Variants in IGSF3 observed in about 807,000 individuals in gnomAD.
The protein encoded by IGSF3 is glu-Trp-Ile EWI motif-containing protein 3.
Under a neutral mutation model 114.4 loss-of-function variants are expected in IGSF3, and 23 were observed. The ratio of observed to expected loss-of-function variants is 0.20; its 90% CI spans 0.14 to 0.28. IGSF3 has a LOEUF of 0.28. Among genes scored for constraint, IGSF3 ranks in the 10% least tolerant of loss-of-function variants. The pLI is 1.00. For synonymous variants in IGSF3, 571 were observed against 645.2 expected, an observed-to-expected ratio of 0.88 and a Z score of 1.74; for missense variants, 1,172 against 1,591.5, an observed-to-expected ratio of 0.74 and a Z score of 4.48.
chr1:116,644,732 G>A lies in IGSF3; in HGVS notation c.43+21552C>T, dbSNP rs1384574345. 1.3e-5 allele frequency among the ~76,000 whole-genome samples: 2 copies of A among 152,158 alleles called. No homozygotes were observed. The highest frequency in any genetic ancestry group is 2.4e-5 in the African/African-American group (1 of 41,410). ...CTGTGTGATGAAAGGACCTCCTCAG[G>A]AAACCTCCCCACCAGCAACTGGCTC... On this transcript the variant is annotated intron_variant, in intron 2 of 10. Transcript: ENST00000369486. This position sits in a 1 kb window ranked among gnomAD's most constrained non-coding sequence, Gnocchi z 5.6.
chr1:116,583,398 G>A lies in IGSF3; in HGVS notation c.2848+1247C>T, dbSNP rs970821672. On this transcript the variant is annotated intron_variant, in intron 9 of 10. Coordinates refer to ENST00000369486, the MANE Select transcript of IGSF3 (RefSeq NM_001007237.3). The surrounding 1 kb of genome is among the most constrained non-coding windows in gnomAD (Gnocchi z 4.5). ...GGAAAAATAGGAGTTAACTCAAAGT[G>A]GAGGCAATGTTCCCTGCAGTTTAGG... is the stretch of plus-strand genomic sequence containing the variant. Among the ~76,000 whole-genome samples the A allele has an allele frequency of 1.3e-5, 2 of 152,182 alleles. No homozygotes were observed. Among genetic ancestry groups the A allele is most frequent in the Non-Finnish European group, 2.9e-5 (2 of 68,040 alleles).
rs944354113 is a variant in IGSF3, at chr1:116,582,175, T to C, written c.2849-2298A>G. On this transcript the variant is annotated intron_variant, in intron 9 of 10. Transcript: ENST00000369486. The surrounding 1 kb of genome is among the most constrained non-coding windows in gnomAD (Gnocchi z 4.7). ...AATTTCCACCTTCCCACAATCTCTC[T>C]CCCCTTAACATGTTTCTCTACCAAT... Among the ~76,000 whole-genome samples the C allele has an allele frequency of 1.6e-4, 24 of 152,286 alleles. No homozygotes were observed. The highest frequency in any genetic ancestry group is 5.3e-4 in the African/African-American group (22 of 41,558).
chr1:116,580,049 T>C (rs1659535459), intron 9 of IGSF3, among the ~76,000 whole-genome samples, 172 bp from the exon 10 acceptor site: 1 of 152,154 alleles, frequency 6.6e-6, no homozygotes, highest in South Asian at 2.1e-4. Context: ...CAAGAAAAAT[T>C]GTTAAGAGTA....
At chr1:116,667,256 C>A (rs554583722) in intron 1 of IGSF3, among the ~76,000 whole-genome samples, 106 of 152,322 alleles carry the variant, frequency 7.0e-4, no homozygotes, top group African/African-American at 2.5e-3. Flanking sequence ...TCCGCCAGGG[C>A]AAATCGGGAA....
intron 2 of IGSF3, among the ~76,000 whole-genome samples, chr1:116,645,061 T>A (rs1319963497): frequency 6.6e-6 from 1 of 152,108 alleles, no homozygotes; most frequent in Non-Finnish European, 1.5e-5. Flanking sequence ...CTTGTACACA[T>A]CCTAATAGCT....
chr1:116,626,193 TC>T (rs1647251694), intron 2 of IGSF3, among the ~76,000 whole-genome samples: 1 of 152,084 alleles, frequency 6.6e-6, no homozygotes, highest in Non-Finnish European at 1.5e-5. Context: ...TAACCCTGCT[TC>T]CCCTCATTTT....
chr1:116,584,914 T>C lies in IGSF3; in HGVS notation c.2579A>G (p.Asn860Ser), dbSNP rs1244011605. 4 of 1,614,128 alleles carry C rather than the reference T, an allele frequency of 2.5e-6. No individual in the cohort carries two copies. The highest frequency in any genetic ancestry group is 3.4e-6 in the Non-Finnish European group (4 of 1,179,990). ...GGCCACAGTCTCCCGCTCAGGGTGGTTGGGCTTCCATACAAACCATTCCAC... is the reference window on the plus strand; with the variant it reads ...GGCCACAGTCTCCCGCTCAGGGTGGCTGGGCTTCCATACAAACCATTCCAC... ...LMVEWFVWKPNHPERETVARL... is the reference protein window; with the variant it reads ...LMVEWFVWKPSHPERETVARL... Residue 860 changes from asparagine (N) to serine (S), a missense_variant, in exon 9 of 11, where the codon AAC (asparagine) becomes AGC (serine). This residue lies in a region of IGSF3 where 423 missense variants were observed against 509.8 expected (regional missense o/e 0.83). Coordinates refer to ENST00000369486, the MANE Select transcript of IGSF3 (RefSeq NM_001007237.3). This position sits in a 1 kb window ranked among gnomAD's most constrained non-coding sequence, Gnocchi z 5.8.
rs1659633527 is a variant in IGSF3, at chr1:116,582,291, T to C, written c.2848+2354A>G. Among the ~76,000 whole-genome samples the C allele has an allele frequency of 6.6e-6, 1 of 152,198 alleles. No homozygotes were observed. The highest frequency in any genetic ancestry group is 6.5e-5 in the Admixed American group (1 of 15,276). ...TCTCTTCTTTTCCAAGTATAAGCCA[T>C]GGAAAGATGCCGACCTCTGCCCCTG... On this transcript the variant is annotated intron_variant, in intron 9 of 10. Transcript: ENST00000369486. This position sits in a 1 kb window ranked among gnomAD's most constrained non-coding sequence, Gnocchi z 4.7.
intron 2 of IGSF3, among the ~76,000 whole-genome samples, chr1:116,645,130 T>G (rs928885989): frequency 5.3e-5 from 8 of 152,132 alleles, no homozygotes. Flanking sequence ...TGTGAAGAGA[T>G]GGACAAAATG....
rs1432020681 is a variant in IGSF3, at chr1:116,666,227, G to A, written c.43+57C>T. 208 of 1,493,162 alleles carry A rather than the reference G, an allele frequency of 1.4e-4. 1 individual carries two copies. The East Asian group carries it at 4.6e-3, about 33-fold the overall frequency. 92.5% of individuals were successfully genotyped at this position (1,493,162 alleles called of 1,614,324 possible). A position where few individuals can be genotyped will look rare whatever the true frequency, so the allele number is the denominator to read the frequency against. On this transcript the variant is annotated intron_variant, in intron 2 of 10. Transcript: ENST00000369486. ...GAAAAAGAACCACGAGAAATTACAG[G>A]AACCAAGAGCAGGTTAAACTTTCAC...
In IGSF3 at chr1:116,605,255, A is replaced by G. The variant is rs1384956965; in HGVS notation, c.1223-1230T>C. Among the ~76,000 whole-genome samples, 1 of 152,026 alleles carries G rather than the reference A, an allele frequency of 6.6e-6. No homozygotes were observed. The highest frequency in any genetic ancestry group is 2.4e-5 in the African/African-American group (1 of 41,386). On this transcript the variant is annotated intron_variant, in intron 5 of 10. Coordinates refer to ENST00000369486, the MANE Select transcript of IGSF3 (RefSeq NM_001007237.3). This position sits in a 1 kb window ranked among gnomAD's most constrained non-coding sequence, Gnocchi z 5.1. ...GCACACCCAATTACCAAGAGAAAAC[A>G]CACACATACACATAACAATGCATTT...
Position 116,584,791 on chromosome 1 carries a change from T to A in IGSF3, c.2702A>T (p.Tyr901Phe), listed in dbSNP as rs768532267. 33 of 1,614,128 alleles carry A rather than the reference T, an allele frequency of 2.0e-5. No homozygotes were observed. Among genetic ancestry groups the A allele is most frequent in the Non-Finnish European group, 2.7e-5 (32 of 1,180,048 alleles). The change falls in exon 9 of 11, where the codon TAC becomes TTC. Residue 901 changes from tyrosine to phenylalanine, a missense_variant. Around this residue, in one of 3 missense-constraint regions of IGSF3, gnomAD observed 423 missense variants for 509.8 expected, o/e 0.83. Transcript: ENST00000369486. This position sits in a 1 kb window ranked among gnomAD's most constrained non-coding sequence, Gnocchi z 5.8. Reference protein sequence around the residue: ...LHLESPSPGVYRLFIQNVAVQ... With the variant: ...LHLESPSPGVFRLFIQNVAVQ... ...AGCCACGTTCTGGATGAAGAGACGGTACACGCCGGGGGAAGGACTCTCCAA... is the reference window on the plus strand; with the variant it reads ...AGCCACGTTCTGGATGAAGAGACGGAACACGCCGGGGGAAGGACTCTCCAA...
chr1:116,579,438 C>T lies in IGSF3; in HGVS notation c.3288G>A (p.Leu1096=), dbSNP rs369420511. 4 of 1,604,614 alleles carry T rather than the reference C, an allele frequency of 2.5e-6. No individual in the cohort carries two copies. In the African/African-American group the frequency reaches 5.4e-5, roughly 21 times the overall value. Residue 1096 remains leucine, a synonymous_variant, in exon 10 of 11, where the codon CTG becomes CTA. Coordinates refer to ENST00000369486, the MANE Select transcript of IGSF3 (RefSeq NM_001007237.3). This position sits in a 1 kb window ranked among gnomAD's most constrained non-coding sequence, Gnocchi z 6.4. ...CGATGGGGGCTGACTCCTCCTCCGT[C>T]AGCCGGTACCATTCCTTCTGAGGGC... ...LPSPQKEWYR[L]TEEESAPIGI...
At position 116,616,831 on chromosome 1, in the gene IGSF3, C is replaced by T. The variant is rs904896484; in HGVS notation, c.44-374G>A. ...AGCAGGAAAAGTTGAATCCTTGGCACAAATTCAGATGAAAACAAATAAAAG... is the reference window on the plus strand; with the variant it reads ...AGCAGGAAAAGTTGAATCCTTGGCATAAATTCAGATGAAAACAAATAAAAG... On this transcript the variant is annotated intron_variant, in intron 2 of 10. Transcript: ENST00000369486. This position sits in a 1 kb window ranked among gnomAD's most constrained non-coding sequence, Gnocchi z 6.6. Among the ~76,000 whole-genome samples, 3 of 152,158 alleles carry T rather than the reference C, an allele frequency of 2.0e-5. No individual in the cohort carries two copies. Among genetic ancestry groups the T allele is most frequent in the Non-Finnish European group, 4.4e-5 (3 of 68,030 alleles).
intron 5 of IGSF3, among the ~76,000 whole-genome samples, chr1:116,606,789 A>G (rs924420482): frequency 5.3e-5 from 8 of 152,258 alleles, no homozygotes; most frequent in African/African-American, 1.9e-4. Flanking sequence ...TCAGTTGTAC[A>G]GTATTCAGCG....
Position 116,589,278 on chromosome 1 carries a change from C to G in IGSF3, c.2030-174G>C, listed in dbSNP as rs1232654903. Among the ~76,000 whole-genome samples the G allele has an allele frequency of 6.6e-6, 1 of 151,186 alleles. No homozygotes were observed. The highest frequency in any genetic ancestry group is 1.5e-5 in the Non-Finnish European group (1 of 68,010). ...CCAGGCCACCGCTAAACATCCTTCC[C>G]TGTCTCCTCCTTGCCATGCGCCTGG... On this transcript the variant is annotated intron_variant, in intron 7 of 10. Coordinates refer to ENST00000369486, the MANE Select transcript of IGSF3 (RefSeq NM_001007237.3). This position sits in a 1 kb window ranked among gnomAD's most constrained non-coding sequence, Gnocchi z 5.7.
Position 116,584,137 on chromosome 1 carries a change from C to T in IGSF3, c.2848+508G>A, listed in dbSNP as rs140630824. On this transcript the variant is annotated intron_variant, in intron 9 of 10. Transcript: ENST00000369486. The surrounding 1 kb of genome is among the most constrained non-coding windows in gnomAD (Gnocchi z 5.8). ...CTGGGAGGCGGAGGTTGCAGTGAGCCGAGATCGCACCACTGCACTCTGCAC... is the reference window on the plus strand; with the variant it reads ...CTGGGAGGCGGAGGTTGCAGTGAGCTGAGATCGCACCACTGCACTCTGCAC... Among the ~76,000 whole-genome samples the T allele has an allele frequency of 6.5e-4, 98 of 151,848 alleles. 1 individual carries two copies. The highest frequency in any genetic ancestry group is 4.7e-3 in the Admixed American group (71 of 15,242).
At chr1:116,613,020 GAC>G (rs1661082873) in intron 4 of IGSF3, among the ~76,000 whole-genome samples, 2 of 152,146 alleles carry the variant, frequency 1.3e-5, no homozygotes, top group South Asian at 4.1e-4. Flanking sequence ...ACCTCCTCAG[GAC>G]CCCTTCCAGG....
At chr1:116,666,187 A>C (rs1363372934) in intron 2 of IGSF3, 97 bp downstream of exon 2, 3 of 1,206,068 alleles carry the variant, frequency 2.5e-6, no homozygotes, top group Non-Finnish European at 2.5e-6. Context: ...GTGTCCCCCA[A>C]ATCCTAGTGT....
Sources: gnomAD v4.1 joint callset for allele counts (sites outside exome capture counted in the v4.1 genomes callset) on GRCh38, gnomAD v4.1.1 for gene constraint, gnomAD v4.1.1 regional missense constraint, Gnocchi (gnomAD v3.1) non-coding constraint, MANE v1.5 for transcripts, NCBI Gene and HGNC (gene_info 2026-07-23, HGNC 2026-07-21) for gene names.